The following ZNF675 variants were observed in gnomAD, a reference collection of about 807,000 sequenced individuals.
The protein encoded by ZNF675 is TRAF6 inhibitory zinc finger.
Under a neutral mutation model 56.1 loss-of-function variants are expected in ZNF675, and 36 were observed. The observed-to-expected ratio is 0.64, with a 90% CI of 0.49 to 0.85. The LOEUF (loss-of-function observed/expected upper bound fraction) is 0.85. Ranked by LOEUF, ZNF675 falls within the 40% of genes least tolerant of loss-of-function variation. The pLI is 0.00. For missense variants in ZNF675, 663 were observed against 654.2 expected, an observed-to-expected ratio of 1.01 and a Z score of -0.15; for synonymous variants, 200 against 218.9, an observed-to-expected ratio of 0.91 and a Z score of 0.76.
intron 1 of ZNF675, among the ~76,000 whole-genome samples, chr19:23,677,549 T>TA (rs1968314730): frequency 6.7e-6 from 1 of 148,308 alleles, no homozygotes; most frequent in Non-Finnish European, 1.5e-5. Flanking sequence ...CTACTAAAAA[T>TA]ACAAAAATTA....
intron 3 of ZNF675, among the ~76,000 whole-genome samples, chr19:23,657,705 A>G (rs1968006364): frequency 6.6e-6 from 1 of 152,186 alleles, no homozygotes; most frequent in South Asian, 2.1e-4. Context: ...CAACAAGAGT[A>G]AAACTCCATC....
intron 1 of ZNF675, among the ~76,000 whole-genome samples, chr19:23,684,427 C>T (rs534858258): frequency 1.3e-5 from 2 of 151,918 alleles, no homozygotes; most frequent in African/African-American, 4.8e-5. Flanking sequence ...GGCGGATCAC[C>T]TGAGGTCGGG....
intron 1 of ZNF675, among the ~76,000 whole-genome samples, chr19:23,668,499 C>A (rs1255072722): frequency 2.1e-3 from 1 of 468 alleles, no homozygotes. Flanking sequence ...GCAGGTGGAG[C>A]TGCCTGCCAG....
At chr19:23,665,630 ATAACACAG>A (rs1182734327) in intron 1 of ZNF675, among the ~76,000 whole-genome samples, 1 of 151,884 alleles carries the variant, frequency 6.6e-6, no homozygotes, top group Non-Finnish European at 1.5e-5. Context: ...AGTAGCTGGG[ATAACACAG>A]GCGCCTGCCA....
chr19:23,653,542 G>T lies in ZNF675; in HGVS notation c.1391C>A (p.Ser464Tyr). 6.2e-7 allele frequency: 1 copy of T among 1,613,248 alleles called. No individual in the cohort carries two copies. The stretch of plus-strand genomic sequence containing the variant: ...TTTCTTATGTTCAGTAAGTTTTGAG[G>T]ATTGGATAAAAGCTTTGCCACATTC... ...CEECGKAFIQSSKLTEHKKIH... is the reference protein window; with the variant it reads ...CEECGKAFIQYSKLTEHKKIH... The change falls in exon 4 of 4, where the codon TCC (serine) becomes TAC (tyrosine). Residue 464 changes from serine to tyrosine, a missense_variant. This residue lies in a region of ZNF675 where 617 missense variants were observed against 590.5 expected (regional missense o/e 1.04). Coordinates refer to ENST00000359788, the MANE Select transcript of ZNF675 (RefSeq NM_138330.3).
At chr19:23,679,125 C>T (rs1968341200) in intron 1 of ZNF675, among the ~76,000 whole-genome samples, 1 of 139,336 alleles carries the variant, frequency 7.2e-6, no homozygotes, top group African/African-American at 2.7e-5. Flanking sequence ...CAAGATCGTG[C>T]CACTGCACTC....
intron 3 of ZNF675, among the ~76,000 whole-genome samples, chr19:23,660,445 T>C (rs1406504972): frequency 6.6e-6 from 1 of 152,224 alleles, no homozygotes; most frequent in East Asian, 1.9e-4. Flanking sequence ...AAAAAGTTGC[T>C]GGCTGTAGCT....
In ZNF675 at chr19:23,658,874, G is replaced by GAT. The variant is rs10534460; in HGVS notation, c.226+3238_226+3239dup. Among the ~76,000 whole-genome samples, 986 of 117,416 alleles carry GAT rather than the reference G, an allele frequency of 8.4e-3. 31 individuals are homozygous for GAT. Among genetic ancestry groups the GAT allele is most frequent in the Non-Finnish European group, 0.013 (749 of 56,006 alleles). 77.0% of individuals were successfully genotyped at this position (117,416 alleles called of 152,430 possible). On this transcript the variant is annotated intron_variant, in intron 3 of 3. Transcript: ENST00000359788. ...ATATAGATATAGAAATAGATCTATA[G>GAT]ATATCTATAGATATAGATCTATAGA...
chr19:23,653,760 G>A lies in ZNF675; in HGVS notation c.1173C>T (p.Thr391=), dbSNP rs146528372. The A allele has an allele frequency of 8.8e-5, 141 of 1,606,980 alleles. No individual in the cohort carries two copies. The highest frequency in any genetic ancestry group is 6.6e-4 in the African/African-American group (48 of 72,734). Residue 391 remains threonine, a synonymous_variant, in exon 4 of 4, where the codon ACC becomes ACT. Transcript: ENST00000359788. ...SNLTEHRKIH[T]EEKPYKCKEC... Reference sequence around the variant, plus strand: ...CTTTACATTTGTAGGGTTTCTCTTCGGTATGAATTTTCCTATGTTCCGTAA... The same window carrying A: ...CTTTACATTTGTAGGGTTTCTCTTCAGTATGAATTTTCCTATGTTCCGTAA...
At chr19:23,658,329 C>T (rs1163336073) in intron 3 of ZNF675, 1 of 151,360 alleles carries the variant, frequency 6.6e-6, no homozygotes, top group Non-Finnish European at 1.5e-5. Context: ...CCATTGCACT[C>T]CAGCCTGGGA....
At chr19:23,663,724 A>G (rs1317103064) in intron 1 of ZNF675, among the ~76,000 whole-genome samples, 2 of 152,354 alleles carry the variant, frequency 1.3e-5, no homozygotes, top group South Asian at 4.1e-4. Context: ...TCTCAAAAAA[A>G]TACATAATTA....
chr19:23,685,670 T>C (rs1408784135), intron 1 of ZNF675, among the ~76,000 whole-genome samples: 3 of 152,254 alleles, frequency 2.0e-5, no homozygotes, highest in Non-Finnish European at 4.4e-5. Context: ...AAAACGATTT[T>C]TTTAAGTGCC....
At position 23,683,525 on chromosome 19, in the gene ZNF675, G is replaced by A. The variant is rs959297151; in HGVS notation, c.3+3506C>T. ...CAACCTCCACCTCCTGGGTTCAAGC[G>A]ATTCTCCTGCCTCAGCCTCCCAAGT... On this transcript the variant is annotated intron_variant, in intron 1 of 3. Transcript: ENST00000359788. Among the ~76,000 whole-genome samples the A allele has an allele frequency of 3.3e-5, 5 of 152,180 alleles. No homozygotes were observed. The South Asian group carries it at 6.2e-4, about 19-fold the overall frequency.
chr19:23,671,686 T>C (rs1422628308), intron 1 of ZNF675, among the ~76,000 whole-genome samples: 2 of 151,550 alleles, frequency 1.3e-5, no homozygotes, highest in Admixed American at 1.3e-4. Flanking sequence ...AGCAACCACA[T>C]CATGCCCAAT....
intron 3 of ZNF675, chr19:23,655,657 C>G (rs1967973322): frequency 1.3e-5 from 2 of 152,068 alleles, no homozygotes; most frequent in South Asian, 4.1e-4. Context: ...ATGATGATTA[C>G]ATTGCAATAT....
At chr19:23,658,867 A>ATCTAGATCTATATC (rs1968030785) in intron 3 of ZNF675, among the ~76,000 whole-genome samples, 1 of 1,054 alleles carries the variant, frequency 9.5e-4, no homozygotes, top group African/African-American at 3.3e-3. Context: ...ATAGAAATAG[A>ATCTAGATCTATATC]TCTATAGATA....
intron 3 of ZNF675, 111 bp downstream of exon 3, chr19:23,662,003 A>G (rs1968085260): frequency 1.3e-6 from 1 of 786,322 alleles, no homozygotes; most frequent in Non-Finnish European, 2.2e-6. Flanking sequence ...TCCAGAAATT[A>G]TTTCCTTTAA....
chr19:23,677,314 GACAA>G (rs1208496525), intron 1 of ZNF675, among the ~76,000 whole-genome samples: 10 of 151,672 alleles, frequency 6.6e-5, no homozygotes, highest in Non-Finnish European at 1.3e-4. Context: ...TCTGTAAGCT[GACAA>G]ACAACTTCAG....
intron 1 of ZNF675, among the ~76,000 whole-genome samples, chr19:23,683,420 T>A (rs2144801111): frequency 6.6e-6 from 1 of 152,164 alleles, no homozygotes; most frequent in South Asian, 2.1e-4. Context: ...AGGTATTTAA[T>A]TTTTACAGCC....
Sources: allele counts gnomAD v4.1 joint callset (sites outside exome capture counted in the v4.1 genomes callset), GRCh38; gene constraint gnomAD v4.1.1; regional missense constraint gnomAD v4.1.1; transcripts MANE v1.5; gene names NCBI Gene and HGNC (gene_info 2026-07-23, HGNC 2026-07-21).